Variants in KCNH5 observed in about 807,000 individuals in gnomAD.
KCNH5 encodes the protein potassium voltage-gated channel subfamily H member 5, also known as voltage-gated delayed rectifier potassium channel KCNH5.
KCNH5 carries 46 observed loss-of-function variants against 96.1 expected under a neutral mutation model. The ratio of observed to expected loss-of-function variants is 0.48; its 90% confidence interval spans 0.38 to 0.61. The LOEUF is 0.61. Ranked by LOEUF, KCNH5 falls within the 20% of genes least tolerant of loss-of-function variation. The probability of loss-of-function intolerance (pLI) is 0.00; values close to 1 mark genes in which losing one functional copy is unlikely to be tolerated. For missense variants in KCNH5, 907 were observed against 1,225.8 expected (o/e 0.74, Z 3.88); for synonymous variants, 439 against 449.8 (o/e 0.98, Z 0.30).
intron 10 of KCNH5, among the ~76,000 whole-genome samples, chr14:62,764,659 C>T (rs1885821434): frequency 1.3e-5 from 2 of 152,210 alleles, no homozygotes; most frequent in African/African-American, 4.8e-5. Flanking sequence ...TGATCAACCA[C>T]TTCAGCAAAG....
chr14:62,785,335 T>G (rs1019731472), intron 9 of KCNH5, among the ~76,000 whole-genome samples: 3 of 152,212 alleles, frequency 2.0e-5, no homozygotes, highest in Non-Finnish European at 4.4e-5. Context: ...GCATAGAATA[T>G]CTAACGTGCA....
chr14:62,884,273 A>T (rs1278011397), intron 7 of KCNH5, among the ~76,000 whole-genome samples: 1 of 152,218 alleles, frequency 6.6e-6, no homozygotes, highest in East Asian at 1.9e-4. Context: ...GAGTCTGTGA[A>T]TTGCATTCCA....
intron 9 of KCNH5, among the ~76,000 whole-genome samples, chr14:62,781,242 G>A (rs1407121802): frequency 1.3e-5 from 2 of 152,138 alleles, no homozygotes; most frequent in Non-Finnish European, 2.9e-5. Context: ...GGGAGTGTGC[G>A]AATAGGTGTG....
chr14:62,952,151 C>T (rs1044600743), intron 6 of KCNH5, among the ~76,000 whole-genome samples: 3 of 152,094 alleles, frequency 2.0e-5, no homozygotes, highest in African/African-American at 7.2e-5. Flanking sequence ...GGGTTTCTGC[C>T]TCAACTTCAA....
chr14:62,734,546 C>A (rs938703526), intron 10 of KCNH5, among the ~76,000 whole-genome samples: 3 of 152,126 alleles, frequency 2.0e-5, no homozygotes, highest in African/African-American at 7.2e-5. Flanking sequence ...ACCATCATTT[C>A]TTTCCAGGAA....
intron 5 of KCNH5, among the ~76,000 whole-genome samples, chr14:62,985,274 T>A (rs1369534041): frequency 2.0e-5 from 3 of 152,152 alleles, no homozygotes; most frequent in Non-Finnish European, 4.4e-5. Context: ...GATTCATCTT[T>A]CCCCAAGCTA....
At chr14:62,799,326 C>T (rs1886600805) in intron 9 of KCNH5, among the ~76,000 whole-genome samples, 2 of 151,798 alleles carry the variant, frequency 1.3e-5, no homozygotes, top group African/African-American at 4.8e-5. Context: ...CCTGTAATCC[C>T]AGCACTTTGG....
At chr14:62,755,893 G>A (rs546633684) in intron 10 of KCNH5, among the ~76,000 whole-genome samples, 60 of 152,116 alleles carry the variant, frequency 3.9e-4, no homozygotes, top group South Asian at 1.7e-3. Context: ...AAAATGCATT[G>A]GATAAAATTC....
chr14:62,822,046 ATACT>A (rs1261776461), intron 8 of KCNH5, among the ~76,000 whole-genome samples: 1 of 152,214 alleles, frequency 6.6e-6, no homozygotes, highest in Non-Finnish European at 1.5e-5. Context: ...AGAAAATGAA[ATACT>A]TAGGTATAAA....
intron 4 of KCNH5, among the ~76,000 whole-genome samples, chr14:62,995,235 C>G (rs1038177601): frequency 3.3e-5 from 5 of 151,958 alleles, no homozygotes; most frequent in Admixed American, 1.3e-4. Context: ...GGACTTGGAC[C>G]CTTGTTCCAA....
chr14:63,020,569 A>G (rs1468945174), intron 1 of KCNH5, among the ~76,000 whole-genome samples: 1 of 152,184 alleles, frequency 6.6e-6, no homozygotes, highest in Non-Finnish European at 1.5e-5. Flanking sequence ...TTTCATTAAT[A>G]TGAAGCTTAA....
intron 7 of KCNH5, among the ~76,000 whole-genome samples, chr14:62,851,729 T>C (rs1238551007): frequency 6.6e-6 from 1 of 152,096 alleles, no homozygotes; most frequent in South Asian, 2.1e-4. Context: ...CGATTTTTAG[T>C]AGTGCTCAGC....
chr14:62,784,694 G>T (rs1371772894), intron 9 of KCNH5, among the ~76,000 whole-genome samples: 1 of 152,004 alleles, frequency 6.6e-6, no homozygotes, highest in African/African-American at 2.4e-5. Context: ...AAATATAAAG[G>T]TAATTTCTTC....
intron 10 of KCNH5, among the ~76,000 whole-genome samples, chr14:62,731,595 A>G (rs569479285): frequency 6.6e-6 from 1 of 152,314 alleles, no homozygotes; most frequent in South Asian, 2.1e-4. Context: ...TTTAATCTTC[A>G]GAAGATATTT....
At chr14:62,922,579 A>T (rs555795722) in intron 7 of KCNH5, among the ~76,000 whole-genome samples, 1 of 152,128 alleles carries the variant, frequency 6.6e-6, no homozygotes, top group Non-Finnish European at 1.5e-5. Context: ...ATTCAACAGC[A>T]TATTAAAAGG....
chr14:62,918,684 C>T (rs1053568659), intron 7 of KCNH5, among the ~76,000 whole-genome samples: 12 of 152,106 alleles, frequency 7.9e-5, no homozygotes, highest in Non-Finnish European at 1.8e-4. Flanking sequence ...AATTCAAATT[C>T]AGACAAGCAG....
chr14:62,834,851 A>C (rs1887433562), intron 8 of KCNH5, among the ~76,000 whole-genome samples: 1 of 152,074 alleles, frequency 6.6e-6, no homozygotes, highest in Non-Finnish European at 1.5e-5. Context: ...AATTATTTAC[A>C]TACTGTCTAT....
At chr14:62,934,770 T>G in intron 7 of KCNH5, among the ~76,000 whole-genome samples, 1 of 152,194 alleles carries the variant, frequency 6.6e-6, no homozygotes, top group Non-Finnish European at 1.5e-5. Flanking sequence ...CCTTTGCAAG[T>G]GCCAGGCCCT....
At chr14:62,871,919 G>A (rs1397894117) in intron 7 of KCNH5, among the ~76,000 whole-genome samples, 1 of 152,106 alleles carries the variant, frequency 6.6e-6, no homozygotes, top group Non-Finnish European at 1.5e-5. Flanking sequence ...GTGTTCAGTG[G>A]CATCCCTAAG....
Sources: gnomAD v4.1 joint callset for allele counts (sites outside exome capture counted in the v4.1 genomes callset) on GRCh38, gnomAD v4.1.1 for gene constraint, MANE v1.5 for transcripts, NCBI Gene and HGNC (gene_info 2026-07-23, HGNC 2026-07-21) for gene names.